The following UPP1 variants were observed in gnomAD, a reference collection of about 807,000 sequenced individuals.
UPP1 encodes uridine phosphorylase 1.
Under a neutral mutation model 29.6 loss-of-function variants are expected in UPP1, and 25 were observed. That is an observed-to-expected ratio of 0.85 (90% CI 0.62 to 1.18). The LOEUF is 1.18. UPP1 is among the 50% of genes most tolerant of loss of function. The pLI, the probability that UPP1 is intolerant of heterozygous loss-of-function variation, is 0.00. For synonymous variants in UPP1, 165 were observed against 159.8 expected, an observed-to-expected ratio of 1.03 and a Z score of -0.25; for missense variants, 368 against 410.4, an observed-to-expected ratio of 0.90 and a Z score of 0.89.
Position 48,102,178 on chromosome 7 carries a change from C to T in UPP1, c.321+196C>T, listed in dbSNP as rs965962891. ...GTCCTTGAGGCTCAGTCTCCAGGGG[C>T]GACTAAGTACACAAATGCATATACA... On this transcript the variant is annotated intron_variant, in intron 5 of 8. Transcript: ENST00000395564. 8.5e-5 allele frequency among the ~76,000 whole-genome samples: 13 copies of T among 152,212 alleles called. 1 individual carries two copies. The South Asian group carries it at 2.5e-3, about 29-fold the overall frequency.
At chr7:48,103,969 C>T in intron 6 of UPP1, 3 of 1,202,500 alleles carry the variant, frequency 2.5e-6, no homozygotes, top group Non-Finnish European at 3.2e-6. Context: ...CCTGTAATCC[C>T]AGCACATTGG....
rs536480731 is a variant in UPP1, at chr7:48,097,478, C to T, written c.45-2192C>T. On this transcript the variant is annotated intron_variant, in intron 3 of 8. Coordinates refer to ENST00000395564, the MANE Select transcript of UPP1 (RefSeq NM_003364.4). ...CGAATTCCTGGGCTCAAGTGATCCA[C>T]CTGCGTTGGCCTCCTAAAGTACTGG... Among the ~76,000 whole-genome samples the T allele has an allele frequency of 4.6e-5, 7 of 152,272 alleles. 1 individual carries two copies. The highest frequency in any genetic ancestry group is 3.9e-4 in the Admixed American group (6 of 15,292).
At chr7:48,095,927 G>A (rs557770937) in intron 3 of UPP1, among the ~76,000 whole-genome samples, 1 of 152,188 alleles carries the variant, frequency 6.6e-6, no homozygotes, top group East Asian at 1.9e-4. Flanking sequence ...GATTACGGGC[G>A]TGAGCCACTG....
At chr7:48,095,339 G>C (rs190094415) in intron 3 of UPP1, among the ~76,000 whole-genome samples, 6 of 152,022 alleles carry the variant, frequency 3.9e-5, no homozygotes, top group Non-Finnish European at 5.9e-5. Flanking sequence ...CACCCCCCCA[G>C]TTGTCTCCCA....
In UPP1 at chr7:48,098,106, C is replaced by A. The variant is rs140847385; in HGVS notation, c.45-1564C>A. Reference sequence around the variant, plus strand: ...TCAGCAGAGTCCCTGCCTGCCCATACAGGAGACAGTCACCTAGCCCCCTGT... The same window carrying A: ...TCAGCAGAGTCCCTGCCTGCCCATAAAGGAGACAGTCACCTAGCCCCCTGT... On this transcript the variant is annotated intron_variant, in intron 3 of 8. Transcript: ENST00000395564. 9.7e-3 allele frequency among the ~76,000 whole-genome samples: 1,478 copies of A among 152,290 alleles called. 19 individuals are homozygous for A. Among genetic ancestry groups the A allele is most frequent in the African/African-American group, 0.034 (1,393 of 41,564 alleles).
intron 6 of UPP1, chr7:48,103,676 A>G (rs916048216): frequency 8.8e-7 from 1 of 1,133,372 alleles, no homozygotes; most frequent in Non-Finnish European, 1.2e-6. Flanking sequence ...GGGTTACACA[A>G]TTTGTGCCTT....
At chr7:48,103,830 G>A (rs1310270793) in intron 6 of UPP1, 4 of 1,289,896 alleles carry the variant, frequency 3.1e-6, no homozygotes, top group African/African-American at 1.5e-5. Context: ...TCAAAGGGGG[G>A]AAGAGAGAGG....
At chr7:48,101,623 C>T (rs770232707) in intron 4 of UPP1, among the ~76,000 whole-genome samples, 18 of 152,124 alleles carry the variant, frequency 1.2e-4, no homozygotes, top group Admixed American at 3.9e-4. Context: ...GATGCTTGGC[C>T]GCCCACCCTG....
At chr7:48,105,812 C>G (rs1420237109) in intron 6 of UPP1, 1 of 152,206 alleles carries the variant, frequency 6.6e-6, no homozygotes, top group Non-Finnish European at 1.5e-5. Context: ...ACCTAATCAC[C>G]TCCCAAAGGC....
At position 48,099,748 on chromosome 7, in the gene UPP1, T is replaced by C. The variant is rs1027434590; in HGVS notation, c.123T>C (p.Thr41=). 1.2e-6 allele frequency: 2 copies of C among 1,613,486 alleles called. No homozygotes were observed. Among genetic ancestry groups the C allele is most frequent in the Non-Finnish European group, 1.7e-6 (2 of 1,179,500 alleles). ...EDILYHFNLT[T]SRHNFPALFG... is the part of the protein sequence containing the mutation. ...TTCTCTATCATTTCAATCTCACCAC[T>C]AGCAGACACAATTTCCCAGCCTTGT... Residue 41 remains threonine (T), a synonymous_variant, in exon 4 of 9, where the codon ACT becomes ACC. Transcript: ENST00000395564.
chr7:48,093,353 G>A (rs983609790), intron 2 of UPP1, among the ~76,000 whole-genome samples: 2 of 152,234 alleles, frequency 1.3e-5, no homozygotes, highest in Admixed American at 6.5e-5. Context: ...GGTGAGAACC[G>A]TGTGGTGGAA....
chr7:48,101,085 TTTA>T (rs909102677), intron 4 of UPP1, among the ~76,000 whole-genome samples: 39 of 152,196 alleles, frequency 2.6e-4, no homozygotes, highest in Admixed American at 1.5e-3. Flanking sequence ...TTTTGTATTT[TTTA>T]GTAGAGATGG....
At chr7:48,106,209 A>T (rs1792724221) in intron 6 of UPP1, 1 of 153,762 alleles carries the variant, frequency 6.5e-6, no homozygotes, top group South Asian at 2.0e-4. Flanking sequence ...GAAACACATC[A>T]TGGTATATGG....
intron 1 of UPP1, among the ~76,000 whole-genome samples, 187 bp from the exon 2 acceptor site, chr7:48,090,001 A>C (rs1253024619): frequency 1.3e-5 from 2 of 152,260 alleles, no homozygotes. Context: ...TTCAGAGTTC[A>C]GATGGCGTCA....
intron 2 of UPP1, among the ~76,000 whole-genome samples, chr7:48,090,977 A>G (rs1017733453): frequency 2.6e-5 from 4 of 152,232 alleles, no homozygotes; most frequent in African/African-American, 9.6e-5. Flanking sequence ...TCAAAGTGGA[A>G]TTTTGTTGAC....
chr7:48,099,840 C>G, intron 4 of UPP1, 53 bp downstream of exon 4: 1 of 1,187,996 alleles, frequency 8.4e-7, no homozygotes, highest in South Asian at 1.2e-5. Flanking sequence ...CAACCTCCCC[C>G]TATATTATAC....
chr7:48,099,622 TCGGG>T (rs1218184123), intron 3 of UPP1, 44 bp from the exon 4 acceptor site: 1 of 1,318,948 alleles, frequency 7.6e-7, no homozygotes, highest in African/African-American at 1.4e-5. Flanking sequence ...ATGTCGGCTG[TCGGG>T]CACTGATGTT....
chr7:48,107,153 C>T (rs749921073), intron 7 of UPP1, 71 bp downstream of exon 7: 125 of 1,559,428 alleles, frequency 8.0e-5, no homozygotes, highest in South Asian at 1.0e-4. Flanking sequence ...CCTGCCTTCT[C>T]GCTGTGGACT....
At position 48,101,950 on chromosome 7, in the gene UPP1, A is replaced by G. The variant is rs774612952; in HGVS notation, c.289A>G (p.Met97Val). 6.2e-7 allele frequency: 1 copy of G among 1,614,002 alleles called. No homozygotes were observed. The highest frequency in any genetic ancestry group is 8.5e-7 in the Non-Finnish European group (1 of 1,179,956). The change falls in exon 5 of 9, where the codon ATG (methionine) becomes GTG (valine). Residue 97 changes from methionine (M) to valine (V), a missense_variant. Met to Val is a conservative substitution (Grantham distance 21). Coordinates refer to ENST00000395564, the MANE Select transcript of UPP1 (RefSeq NM_003364.4). The stretch of plus-strand genomic sequence containing the variant: ...CTGTGCGGGAACTGACCGCTATGCC[A>G]TGTATAAAGTAGGACCGGTGCTGTC... Reference protein sequence around the residue: ...NICAGTDRYAMYKVGPVLSVS... With the variant: ...NICAGTDRYAVYKVGPVLSVS...
Sources: allele counts gnomAD v4.1 joint callset (sites outside exome capture counted in the v4.1 genomes callset), GRCh38; gene constraint gnomAD v4.1.1; transcripts MANE v1.5; gene names NCBI Gene and HGNC (gene_info 2026-07-23, HGNC 2026-07-21).